PHKG1: variants seen among roughly 807,000 people sequenced by gnomAD.
PHKG1 encodes the protein phosphorylase kinase catalytic subunit gamma 1.
PHKG1 carries 48 observed loss-of-function variants against 50.5 expected under a neutral mutation model. That is an observed-to-expected ratio of 0.95 (90% CI 0.75 to 1.21). The LOEUF (loss-of-function observed/expected upper bound fraction) is 1.21. PHKG1 is among the 50% of genes most tolerant of loss of function. The pLI, the probability that PHKG1 is intolerant of heterozygous loss-of-function variation, is 0.00. For missense variants in PHKG1, 487 were observed against 519.5 expected, an observed-to-expected ratio of 0.94 and a Z score of 0.61; for synonymous variants, 204 against 212.8, an observed-to-expected ratio of 0.96 and a Z score of 0.36.
At chr7:56,091,887 C>G (rs1369166361) in intron 1 of PHKG1, among the ~76,000 whole-genome samples, 1 of 152,272 alleles carries the variant, frequency 6.6e-6, no homozygotes, top group East Asian at 1.9e-4. Flanking sequence ...CCATCAGCAA[C>G]TTGGCGGAGC....
intron 1 of PHKG1, among the ~76,000 whole-genome samples, chr7:56,091,924 C>G (rs1416224867): frequency 6.6e-6 from 1 of 152,268 alleles, no homozygotes; most frequent in Admixed American, 6.5e-5. Flanking sequence ...CCCATAAAAA[C>G]AAGCCCATTT....
rs780756936 is a variant in PHKG1, at chr7:56,082,063, C to T, written c.639-17G>A. 4.3e-6 allele frequency: 7 copies of T among 1,610,314 alleles called. No individual in the cohort carries two copies. The highest frequency in any genetic ancestry group is 5.1e-6 in the Non-Finnish European group (6 of 1,177,048). ...GTGCTCCACCTGGACATGCGAGGGC[C>T]CAGGGCCACTTACCCAGCGCCAGGG... On this transcript the variant is annotated splice_polypyrimidine_tract_variant and intron_variant, in intron 7 of 9. Transcript: ENST00000297373.
intron 5 of PHKG1, 82 bp downstream of exon 5, chr7:56,083,568 G>T: frequency 6.7e-7 from 1 of 1,487,852 alleles, no homozygotes; most frequent in Non-Finnish European, 9.3e-7. Flanking sequence ...ACATGTGCAC[G>T]CCCTGCCTCC....
intron 3 of PHKG1, 121 bp from the exon 4 acceptor site, chr7:56,087,145 A>C (rs1252757396): frequency 6.7e-6 from 5 of 748,614 alleles, no homozygotes; most frequent in Non-Finnish European, 1.2e-5. Context: ...CAGGGGAATC[A>C]GGAGGGTGCT....
In PHKG1 at chr7:56,081,983, C is replaced by T; in HGVS notation, c.702G>A (p.Lys234=). The T allele has an allele frequency of 1.9e-6, 3 of 1,613,958 alleles. No homozygotes were observed. Among genetic ancestry groups the T allele is most frequent in the Non-Finnish European group, 2.5e-6 (3 of 1,180,024 alleles). The change falls in exon 8 of 10, where the codon AAG becomes AAA. Residue 234 remains lysine, a synonymous_variant. Transcript: ENST00000297373. This position sits in a 1 kb window ranked among gnomAD's most constrained non-coding sequence, Gnocchi z 4.6. ...LAGSPPFWHR[K]QMLMLRMIMS... ...TGATCATCCTCAGCATCAGCATCTG[C>T]TTCCGGTGCCAGAAGGGCGGGGAGC...
intron 3 of PHKG1, 152 bp downstream of exon 3, chr7:56,087,446 C>A (rs1796303654): frequency 4.4e-6 from 3 of 688,228 alleles, no homozygotes; most frequent in East Asian, 5.4e-5. Context: ...CTGCCTGGGA[C>A]CCCTTCTATC....
rs372057790 is a variant in PHKG1, at chr7:56,087,758, G to C, written c.102C>G (p.Val34=). ...EILGRGVSSV[V]RRCIHKPTSQ... ...TCGTGGGCTTGTGGATGCATCGCCT[G>C]ACCACACTGCTAACGCCCCTGGGAG... is the stretch of plus-strand genomic sequence containing the variant. The change falls in exon 3 of 10, where the codon GTC becomes GTG. Residue 34 remains valine, a synonymous_variant. Coordinates refer to ENST00000297373, the MANE Select transcript of PHKG1 (RefSeq NM_006213.5). The C allele has an allele frequency of 1.1e-5, 17 of 1,612,350 alleles. No homozygotes were observed. The highest frequency in any genetic ancestry group is 1.4e-5 in the Non-Finnish European group (16 of 1,179,958).
chr7:56,083,560 A>G (rs1248230717), intron 5 of PHKG1, 90 bp downstream of exon 5: 2 of 1,488,916 alleles, frequency 1.3e-6, no homozygotes, highest in Non-Finnish European at 9.3e-7. Flanking sequence ...CAGCCCAGAC[A>G]TGTGCACGCC....
chr7:56,085,835 A>G (rs549281024), intron 4 of PHKG1, among the ~76,000 whole-genome samples: 37 of 152,144 alleles, frequency 2.4e-4, no homozygotes, highest in African/African-American at 8.2e-4. Flanking sequence ...TTTGCTGGGC[A>G]TGGTGGTGGG....
At chr7:56,085,475 C>T (rs1796212294) in intron 4 of PHKG1, among the ~76,000 whole-genome samples, 1 of 152,178 alleles carries the variant, frequency 6.6e-6, no homozygotes, top group African/African-American at 2.4e-5. Context: ...AGGGGCTCAT[C>T]TTACTAATCC....
In PHKG1 at chr7:56,081,144, C is replaced by A. The variant is rs967624230; in HGVS notation, c.1074G>T (p.Trp358Cys). 1 of 1,613,894 alleles carries A rather than the reference C, an allele frequency of 6.2e-7. No homozygotes were observed. The highest frequency in any genetic ancestry group is 1.7e-5 in the Admixed American group (1 of 60,012). The change falls in exon 10 of 10, where the codon TGG becomes TGT. Residue 358 changes from tryptophan (W) to cysteine (C), a missense_variant. Physicochemically the swap from Trp to Cys is radical, Grantham distance 215. Coordinates refer to ENST00000297373, the MANE Select transcript of PHKG1 (RefSeq NM_006213.5). This position sits in a 1 kb window ranked among gnomAD's most constrained non-coding sequence, Gnocchi z 4.6. ...DAYAFRIYGH[W>C]VKKGQQQNRA... is the part of the protein sequence containing the mutation. ...GGTTCTGCTGCTGCCCCTTCTTCAC[C>A]CAGTGGCCATAGATTCGGAAAGCGT... is the stretch of plus-strand genomic sequence containing the variant.
In PHKG1 at chr7:56,081,811, T is replaced by G; in HGVS notation, c.793-56A>C. The G allele has an allele frequency of 1.9e-6, 3 of 1,608,310 alleles. No individual in the cohort carries two copies. ...GTCAAGGCAGGTCCCCTCCAGCATG[T>G]CAGGAAAGGCAGGGCCTCCCCGGGC... On this transcript the variant is annotated intron_variant, in intron 8 of 9. Coordinates refer to ENST00000297373, the MANE Select transcript of PHKG1 (RefSeq NM_006213.5). The surrounding 1 kb of genome is among the most constrained non-coding windows in gnomAD (Gnocchi z 4.6).
chr7:56,090,420 C>T (rs569852338), intron 1 of PHKG1, among the ~76,000 whole-genome samples: 22 of 152,176 alleles, frequency 1.4e-4, no homozygotes, highest in African/African-American at 5.3e-4. Flanking sequence ...CTGGCCCTTC[C>T]TCATGTATTC....
chr7:56,088,025 C>A (rs539779675), intron 2 of PHKG1, among the ~76,000 whole-genome samples: 1 of 137,874 alleles, frequency 7.3e-6, no homozygotes, highest in Non-Finnish European at 1.5e-5. Flanking sequence ...CTTTTTGAGC[C>A]GTTCAGTGCT....
intron 3 of PHKG1, 143 bp from the exon 4 acceptor site, chr7:56,087,167 A>G (rs1584628522): frequency 8.9e-6 from 6 of 671,154 alleles, no homozygotes; most frequent in East Asian, 2.6e-5. Flanking sequence ...AAAGACGTCA[A>G]CCTGGGATGT....
At chr7:56,086,519 G>A (rs1215193188) in intron 4 of PHKG1, among the ~76,000 whole-genome samples, 3 of 151,736 alleles carry the variant, frequency 2.0e-5, no homozygotes, top group Admixed American at 6.6e-5. Flanking sequence ...ATGGAGTTTC[G>A]CTCTCGTAGC....
At chr7:56,089,272 C>T (rs887998914) in intron 1 of PHKG1, among the ~76,000 whole-genome samples, 2 of 151,788 alleles carry the variant, frequency 1.3e-5, no homozygotes, top group Admixed American at 6.6e-5. Flanking sequence ...TGGTGGCACA[C>T]GCTTGTAGTC....
chr7:56,092,703 T>G (rs1796533262), intron 1 of PHKG1, 133 bp downstream of exon 1: 1 of 152,144 alleles, frequency 6.6e-6, no homozygotes, highest in Admixed American at 6.6e-5. Context: ...GCTGCCACTC[T>G]CCCTGGTCCA....
chr7:56,089,015 C>T lies in PHKG1; in HGVS notation c.-34-40G>A, dbSNP rs569738597. ...GAAAGAAGCTGTCAGCCTTCCTGAC[C>T]CAGGGGCTGTTCTCCTTGGGGTCTG... On this transcript the variant is annotated intron_variant, in intron 1 of 9. Transcript: ENST00000297373. 1.1e-4 allele frequency: 104 copies of T among 977,326 alleles called. No homozygotes were observed. The South Asian group carries it at 1.3e-3, about 12-fold the overall frequency. 60.5% of individuals were successfully genotyped at this position (977,326 alleles called of 1,614,324 possible). A position where few individuals can be genotyped will look rare whatever the true frequency, so the allele number is the denominator to read the frequency against.
Sources: gnomAD v4.1 joint callset for allele counts (sites outside exome capture counted in the v4.1 genomes callset) on GRCh38, gnomAD v4.1.1 for gene constraint, Gnocchi (gnomAD v3.1) non-coding constraint, MANE v1.5 for transcripts, NCBI Gene and HGNC (gene_info 2026-07-23, HGNC 2026-07-21) for gene names.